The following YDJC variants were observed in gnomAD, a reference collection of about 807,000 sequenced individuals.
The protein encoded by YDJC is carbohydrate deacetylase.
In YDJC, 23 loss-of-function variants were observed where a neutral mutation model predicts 18.9. The observed-to-expected ratio is 1.22, with a 90% CI of 0.87 to 1.72. YDJC has a LOEUF of 1.72. YDJC is among the 40% of genes most tolerant of loss of function. The probability of loss-of-function intolerance (pLI) is 0.00; values close to 1 mark genes in which losing one functional copy is unlikely to be tolerated. For missense variants in YDJC, 467 were observed against 470.8 expected (o/e 0.99, Z 0.07); for synonymous variants, 224 against 217.6 (o/e 1.03, Z -0.26).
chr22:21,629,722 C>G lies in YDJC; in HGVS notation c.204G>C (p.Glu68Asp). 1 of 1,572,596 alleles carries G rather than the reference C, an allele frequency of 6.4e-7. No individual in the cohort carries two copies. The highest frequency in any genetic ancestry group is 1.3e-5 in the African/African-American group (1 of 74,192). Residue 68 changes from glutamate (E) to aspartate (D), a missense_variant, in exon 2 of 5, where the codon GAG (glutamate) becomes GAC (aspartate). By Grantham distance (45) the Glu-to-Asp change is conservative. Transcript: ENST00000292778. ...GGCGGGCCGGACCCACGGGGCGGCC[C>G]TCGGACAGGTTGGCGTGGAGGCCCG... Reference protein sequence around the residue: ...IPTGLHANLSEGRPVGPARRG... With the variant: ...IPTGLHANLSDGRPVGPARRG...
In YDJC at chr22:21,628,193, G is replaced by A. The variant is rs181013349; in HGVS notation, c.*225C>T. The stretch of plus-strand genomic sequence containing the variant: ...TGGAGGGGCACCAAATGCTCTGCGG[G>A]CCCTAGCCCGCTGCCACAGGCTAGG... On this transcript the variant is annotated 3_prime_UTR_variant, in exon 5 of 5. Transcript: ENST00000292778. 134 of 482,552 alleles carry A rather than the reference G, an allele frequency of 2.8e-4. No homozygotes were observed. In the East Asian group the frequency reaches 4.2e-3, roughly 15 times the overall value. 29.9% of individuals were successfully genotyped at this position (482,552 alleles called of 1,614,324 possible). A position where few individuals can be genotyped will look rare whatever the true frequency, so the allele number is the denominator to read the frequency against.
chr22:21,629,798 C>T lies in YDJC; in HGVS notation c.165-37G>A, dbSNP rs368802660. ...GCGCGAGCTGGAGCACTAGCGGCCG[C>T]GGAGCCGCGCGCCCCAAGCCGATCG... On this transcript the variant is annotated intron_variant, in intron 1 of 4. Transcript: ENST00000292778. 419 of 1,469,658 alleles carry T rather than the reference C, an allele frequency of 2.9e-4. 3 individuals carry two copies. The African/African-American group carries it at 4.1e-3, about 14-fold the overall frequency. 91.0% of individuals were successfully genotyped at this position (1,469,658 alleles called of 1,614,324 possible). A position where few individuals can be genotyped will look rare whatever the true frequency, so the allele number is the denominator to read the frequency against.
Position 21,629,013 on chromosome 22 carries a change from A to T in YDJC, c.599T>A (p.Leu200Gln). ...AAVGPFSRHG[L>Q]RWTDAFVGLS... ...GAGACGGGGCGGGGAGCCTCACCGC[A>T]GGCCGTGGCGGGAGAAGGGGCCCAC... Residue 200 changes from leucine to glutamine, a missense_variant, in exon 4 of 5, where the codon CTG becomes CAG. By Grantham distance (113) the Leu-to-Gln change is moderately radical. Transcript: ENST00000292778. 1 of 1,470,122 alleles carries T rather than the reference A, an allele frequency of 6.8e-7. No individual in the cohort carries two copies. Among genetic ancestry groups the T allele is most frequent in the Non-Finnish European group, 8.9e-7 (1 of 1,120,224 alleles). 91.1% of individuals were successfully genotyped at this position (1,470,122 alleles called of 1,614,324 possible).
rs2148457430 is a variant in YDJC, at chr22:21,628,456, G to C, written c.934C>G (p.Pro312Ala). The stretch of plus-strand genomic sequence containing the variant: ...GGTTCCAGGAAGGGTTCCAGAGTGG[G>C]CTCACAGGGGACCTCCTCCCCTGGC... The part of the protein sequence containing the change: ...KRPGEEVPCE[P>A]TLEPFLEPSL... Residue 312 changes from proline (P) to alanine (A), a missense_variant, in exon 5 of 5, where the codon CCC becomes GCC. Pro to Ala is a conservative substitution (Grantham distance 27). Transcript: ENST00000292778. 1 of 1,585,554 alleles carries C rather than the reference G, an allele frequency of 6.3e-7. No individual in the cohort carries two copies. The highest frequency in any genetic ancestry group is 1.1e-5 in the South Asian group (1 of 87,414).
intron 3 of YDJC, 23 bp from the exon 4 acceptor site, chr22:21,629,210 A>G (rs1930382138): frequency 2.6e-6 from 4 of 1,546,722 alleles, no homozygotes; most frequent in Admixed American, 3.9e-5. Context: ...CGGGTCAGGG[A>G]GGAGCACGTC....
Position 21,628,498 on chromosome 22 carries a change from C to T in YDJC, c.892G>A (p.Asp298Asn). ...TCCCCTGGCCTCTTGGAGTCCAGGT[C>T]GTCGAGGGCGCAAAGCTGCACGCCA... ...QDGVQLCALD[D>N]LDSKRPGEEV... Residue 298 changes from aspartate (D) to asparagine (N), a missense_variant, in exon 5 of 5, where the codon GAC becomes AAC. Coordinates refer to ENST00000292778, the MANE Select transcript of YDJC (RefSeq NM_001017964.2). The T allele has an allele frequency of 6.2e-7, 1 of 1,611,198 alleles. No individual in the cohort carries two copies. Among genetic ancestry groups the T allele is most frequent in the Non-Finnish European group, 8.5e-7 (1 of 1,178,226 alleles).
Position 21,629,863 on chromosome 22 carries a change from T to TCCG in YDJC, c.149_151dup (p.Ala50dup). 1 of 1,564,296 alleles carries TCCG rather than the reference T, an allele frequency of 6.4e-7. No individual in the cohort carries two copies. Among genetic ancestry groups the TCCG allele is most frequent in the South Asian group, 1.2e-5 (1 of 86,170 alleles). On this transcript the variant is annotated inframe_insertion, in exon 1 of 5. Transcript: ENST00000292778. The stretch of plus-strand genomic sequence containing the variant: ...GCCCTCCCCTCACCTGCGGGCCAGC[T>TCCG]CCGCCGCGCTCTCCGTGGCCGCACC...
rs1196728356 is a variant in YDJC at position 21,628,694 on chromosome 22, G to T, written c.696C>A (p.Thr232=). The change falls in exon 5 of 5, where the codon ACC becomes ACA. Residue 232 remains threonine (T), a synonymous_variant. Transcript: ENST00000292778. ...CGGCTGTCAGGGTGTGGCCCGCTAGGGTACCTTCCAGGACCCGCGCCAGGG... is the reference window on the plus strand; with the variant it reads ...CGGCTGTCAGGGTGTGGCCCGCTAGTGTACCTTCCAGGACCCGCGCCAGGG... ...SGALARVLEG[T]LAGHTLTAEL... is the part of the protein sequence containing the mutation. 4 of 1,550,996 alleles carry T rather than the reference G, an allele frequency of 2.6e-6. No individual in the cohort carries two copies. The highest frequency in any genetic ancestry group is 3.5e-6 in the Non-Finnish European group (4 of 1,151,154).
Position 21,628,718 on chromosome 22 carries a change from G to C in YDJC, c.672C>G (p.Ala224=). The C allele has an allele frequency of 6.5e-7, 1 of 1,534,010 alleles. No homozygotes were observed. The highest frequency in any genetic ancestry group is 8.8e-7 in the Non-Finnish European group (1 of 1,141,306). Residue 224 remains alanine (A), a synonymous_variant, in exon 5 of 5, where the codon GCC becomes GCG. Coordinates refer to ENST00000292778, the MANE Select transcript of YDJC (RefSeq NM_001017964.2). ...GGGTACCTTCCAGGACCCGCGCCAG[G>C]GCCCCGGACACGCGGTGAGCGGACA... ...RHMSAHRVSG[A]LARVLEGTLA...
rs1930320244 is a variant in YDJC, at chr22:21,628,313, T to A, written c.*105A>T. On this transcript the variant is annotated 3_prime_UTR_variant, in exon 5 of 5. Transcript: ENST00000292778. The stretch of plus-strand genomic sequence containing the variant: ...GGTGGCAGTGTCCTACCCAGGGAAG[T>A]CAACAGATCGTGCTCCAGGTCCCAG... The A allele has an allele frequency of 7.0e-7, 1 of 1,422,184 alleles. No individual in the cohort carries two copies. The highest frequency in any genetic ancestry group is 1.5e-5 in the African/African-American group (1 of 68,650). 88.1% of individuals were successfully genotyped at this position (1,422,184 alleles called of 1,614,324 possible).
In YDJC at chr22:21,628,447, C is replaced by A. The variant is rs371859364; in HGVS notation, c.943G>T (p.Glu315Ter). The change falls in exon 5 of 5, where the codon GAA becomes TAA. Residue 315 changes from glutamate (E) to a stop codon, truncating the protein, a stop_gained. Transcript: ENST00000292778. LOFTEE classifies it high-confidence loss of function. ...AGTAGGGAGGGTTCCAGGAAGGGTT[C>A]CAGAGTGGGCTCACAGGGGACCTCC... ...GEEVPCEPTLEPFLEPSLL is the reference protein window; with the variant it reads ...GEEVPCEPTL 3.8e-6 allele frequency: 6 copies of A among 1,576,912 alleles called. No individual in the cohort carries two copies. The African/African-American group carries it at 5.4e-5, about 14-fold the overall frequency.
rs1281327231 is a variant in YDJC, at chr22:21,629,720, C to A, written c.206G>T (p.Gly69Val). 6.4e-7 allele frequency: 1 copy of A among 1,573,900 alleles called. No homozygotes were observed. The highest frequency in any genetic ancestry group is 8.6e-7 in the Non-Finnish European group (1 of 1,162,028). Residue 69 changes from glycine (G) to valine (V), a missense_variant, in exon 2 of 5, where the codon GGC (glycine) becomes GTC (valine). By Grantham distance (109) the Gly-to-Val change is moderately radical. Coordinates refer to ENST00000292778, the MANE Select transcript of YDJC (RefSeq NM_001017964.2). ...ACGGCGGGCCGGACCCACGGGGCGG[C>A]CCTCGGACAGGTTGGCGTGGAGGCC... The part of the protein sequence containing the change: ...PTGLHANLSE[G>V]RPVGPARRGA...
rs758253424 is a variant in YDJC, at chr22:21,628,631, G to A, written c.759C>T (p.Pro253=). Residue 253 remains proline, a synonymous_variant, in exon 5 of 5, where the codon CCC becomes CCT. Transcript: ENST00000292778. The stretch of plus-strand genomic sequence containing the variant: ...CGGGGCCTTCACCGCAGCCGCCGGT[G>A]GGAGGCACACTGGGGTAGCCGGGGT... The part of the protein sequence containing the change: ...MAHPGYPSVP[P]TGGCGEGPDA... The A allele has an allele frequency of 4.1e-5, 65 of 1,590,882 alleles. No individual in the cohort carries two copies. Among genetic ancestry groups the A allele is most frequent in the Non-Finnish European group, 5.4e-5 (63 of 1,169,760 alleles).
chr22:21,629,591 C>T lies in YDJC; in HGVS notation c.324+11G>A. Reference sequence around the variant, plus strand: ...CCTCGCGAGCATCCTCCTGTAGCTGCGGCTCCGCACCTGAGGCAAATCCAC... The same window carrying T: ...CCTCGCGAGCATCCTCCTGTAGCTGTGGCTCCGCACCTGAGGCAAATCCAC... On this transcript the variant is annotated intron_variant, in intron 2 of 4. Coordinates refer to ENST00000292778, the MANE Select transcript of YDJC (RefSeq NM_001017964.2). The T allele has an allele frequency of 1.2e-6, 2 of 1,612,518 alleles. No homozygotes were observed. Among genetic ancestry groups the T allele is most frequent in the Non-Finnish European group, 1.7e-6 (2 of 1,179,930 alleles).
intron 4 of YDJC, 34 bp from the exon 5 acceptor site, chr22:21,628,821 G>T: frequency 6.9e-7 from 1 of 1,444,888 alleles, no homozygotes; most frequent in Non-Finnish European, 9.1e-7. Flanking sequence ...GTGGGACCAG[G>T]CCGGGCCATG....
chr22:21,629,970 A>C lies in YDJC; in HGVS notation c.45T>G (p.Phe15Leu). The C allele has an allele frequency of 1.2e-6, 2 of 1,603,688 alleles. No individual in the cohort carries two copies. Among genetic ancestry groups the C allele is most frequent in the Non-Finnish European group, 8.5e-7 (1 of 1,178,176 alleles). ...RMRLVVTADD[F>L]GYCPRRDEGI... ...CCTCATCGCGTCGCGGGCAGTAACC[A>C]AAGTCGTCCGCGGTGACCACCAGGC... Residue 15 changes from phenylalanine to leucine, a missense_variant, in exon 1 of 5, where the codon TTT becomes TTG. Phe to Leu is a conservative substitution (Grantham distance 22). Transcript: ENST00000292778.
chr22:21,629,095 G>A lies in YDJC; in HGVS notation c.517C>T (p.Leu173=). Residue 173 remains leucine (L), a synonymous_variant, in exon 4 of 5, where the codon CTG becomes TTG. Transcript: ENST00000292778. ...LERGVGGCTW[L]EAPARAFACA... The stretch of plus-strand genomic sequence containing the variant: ...GCGAAGGCACGCGCGGGGGCCTCCA[G>A]CCAAGTGCAGCCACCCACACCGCGC... 1 of 1,536,514 alleles carries A rather than the reference G, an allele frequency of 6.5e-7. No homozygotes were observed. The highest frequency in any genetic ancestry group is 2.4e-5 in the East Asian group (1 of 40,860).
rs748544682 is a variant in YDJC, at chr22:21,629,066, G to A, written c.546C>T (p.Cys182=). The A allele has an allele frequency of 1.1e-5, 17 of 1,531,144 alleles. No homozygotes were observed. Among genetic ancestry groups the A allele is most frequent in the African/African-American group, 1.4e-5 (1 of 72,822 alleles). 94.8% of individuals were successfully genotyped at this position (1,531,144 alleles called of 1,614,324 possible). The part of the protein sequence containing the change: ...WLEAPARAFA[C]AVERDARAAV... The stretch of plus-strand genomic sequence containing the variant: ...CGGCCCGGGCGTCGCGCTCCACGGC[G>A]CAGGCGAAGGCACGCGCGGGGGCCT... Residue 182 remains cysteine (C), a synonymous_variant, in exon 4 of 5, where the codon TGC becomes TGT. Transcript: ENST00000292778.
At position 21,629,601 on chromosome 22, in the gene YDJC, C is replaced by T; in HGVS notation, c.324+1G>A. 1 of 1,612,618 alleles carries T rather than the reference C, an allele frequency of 6.2e-7. No homozygotes were observed. Among genetic ancestry groups the T allele is most frequent in the Non-Finnish European group, 8.5e-7 (1 of 1,179,950 alleles). The stretch of plus-strand genomic sequence containing the variant: ...ATCCTCCTGTAGCTGCGGCTCCGCA[C>T]CTGAGGCAAATCCACGTCTCCGGCC... On this transcript the variant is annotated splice_donor_variant, in intron 2 of 4. Transcript: ENST00000292778. LOFTEE classifies it high-confidence loss of function.
Sources: gnomAD v4.1 joint callset for allele counts on GRCh38, gnomAD v4.1.1 for gene constraint, MANE v1.5 for transcripts, NCBI Gene and HGNC (gene_info 2026-07-23, HGNC 2026-07-21) for gene names.